AGBL1: variants seen among roughly 807,000 people sequenced by gnomAD.
The protein encoded by AGBL1 is AGBL carboxypeptidase 1.
A neutral mutation model predicts 118.9 loss-of-function variants in AGBL1; 130 were observed. The ratio of observed to expected loss-of-function variants is 1.09; its 90% CI spans 0.95 to 1.26. AGBL1 has a LOEUF of 1.26. Among genes scored for constraint, AGBL1 ranks in the 50% most tolerant of loss-of-function variants. The probability of loss-of-function intolerance (pLI) is 0.00; values close to 1 mark genes in which losing one functional copy is unlikely to be tolerated. For synonymous variants in AGBL1, 555 were observed against 478.9 expected (o/e 1.16, Z -2.08); for missense variants, 1,584 against 1,298.1 (o/e 1.22, Z -3.38).
intron 22 of AGBL1, among the ~76,000 whole-genome samples, chr15:86,866,682 C>T (rs751034970): frequency 5.3e-5 from 8 of 152,096 alleles, no homozygotes; most frequent in African/African-American, 9.7e-5. Context: ...GGTAAAACCC[C>T]GTCTCTACTA....
chr15:86,518,290 A>C (rs772733153), intron 18 of AGBL1, among the ~76,000 whole-genome samples: 4 of 151,588 alleles, frequency 2.6e-5, no homozygotes, highest in Non-Finnish European at 4.4e-5. Flanking sequence ...TTGTTTCCCA[A>C]CCTCTGGAGG....
intron 17 of AGBL1, among the ~76,000 whole-genome samples, chr15:86,315,559 CA>C (rs887804873): frequency 6.7e-6 from 1 of 150,042 alleles, no homozygotes; most frequent in Non-Finnish European, 1.5e-5. Context: ...ACTAATAATA[CA>C]AAAAAAAACT....
At chr15:86,269,270 G>T (rs1346145421) in intron 13 of AGBL1, among the ~76,000 whole-genome samples, 1 of 152,104 alleles carries the variant, frequency 6.6e-6, no homozygotes, top group East Asian at 1.9e-4. Flanking sequence ...TTTTGCTGGG[G>T]GATGTATATT....
intron 21 of AGBL1, among the ~76,000 whole-genome samples, chr15:86,602,216 T>C (rs1438393870): frequency 2.6e-5 from 4 of 152,186 alleles, no homozygotes; most frequent in Admixed American, 1.3e-4. Context: ...AGTTTTAGAT[T>C]CTTAATTCAT....
At chr15:86,725,887 G>A (rs2086810899) in intron 22 of AGBL1, among the ~76,000 whole-genome samples, 1 of 152,156 alleles carries the variant, frequency 6.6e-6, no homozygotes, top group African/African-American at 2.4e-5. Flanking sequence ...GCTATGATTG[G>A]AGGAAGAATA....
chr15:86,651,476 G>T (rs1052742952), intron 21 of AGBL1, among the ~76,000 whole-genome samples: 6 of 152,248 alleles, frequency 3.9e-5, no homozygotes, highest in Non-Finnish European at 8.8e-5. Flanking sequence ...TGTGAATTTG[G>T]AATTGTATAG....
intron 17 of AGBL1, among the ~76,000 whole-genome samples, chr15:86,365,062 TATATATATACACAC>T (rs1389681694): frequency 7.3e-6 from 1 of 136,256 alleles, no homozygotes. Flanking sequence ...TATATACACA[TATATATATACACAC>T]ACACATATAT....
At chr15:86,582,968 A>G (rs970691039) in intron 21 of AGBL1, among the ~76,000 whole-genome samples, 4 of 152,088 alleles carry the variant, frequency 2.6e-5, no homozygotes, top group Non-Finnish European at 5.9e-5. Flanking sequence ...ATAAGTAACA[A>G]ACCTGCACAT....
At chr15:86,242,107 T>C (rs569298697) in intron 6 of AGBL1, among the ~76,000 whole-genome samples, 162 of 152,276 alleles carry the variant, frequency 1.1e-3, no homozygotes, top group African/African-American at 3.8e-3. Context: ...TGTCCCTTGT[T>C]CTTCTGCCAT....
At chr15:86,766,203 A>G (rs2078094761) in intron 22 of AGBL1, among the ~76,000 whole-genome samples, 1 of 151,930 alleles carries the variant, frequency 6.6e-6, no homozygotes, top group African/African-American at 2.4e-5. Context: ...AGTGGAGCCA[A>G]GAGTCAAACC....
intron 22 of AGBL1, among the ~76,000 whole-genome samples, chr15:86,781,522 G>T (rs546887432): frequency 1.3e-5 from 2 of 152,038 alleles, no homozygotes; most frequent in Non-Finnish European, 2.9e-5. Context: ...AGGATTTTTA[G>T]GACTCTTAGA....
intron 22 of AGBL1, among the ~76,000 whole-genome samples, chr15:86,709,102 A>G (rs2086507931): frequency 6.6e-6 from 1 of 152,110 alleles, no homozygotes; most frequent in South Asian, 2.1e-4. Flanking sequence ...TAATTCTTGT[A>G]TTTATAATCC....
chr15:86,783,214 A>G (rs1481595542), intron 22 of AGBL1, among the ~76,000 whole-genome samples: 1 of 152,100 alleles, frequency 6.6e-6, no homozygotes, highest in Non-Finnish European at 1.5e-5. Context: ...TTGTTAATCC[A>G]TTTAGATGCA....
intron 24 of AGBL1, among the ~76,000 whole-genome samples, chr15:87,009,802 C>T (rs2081539992): frequency 6.6e-6 from 1 of 152,208 alleles, no homozygotes; most frequent in African/African-American, 2.4e-5. Flanking sequence ...TTGACTGCCC[C>T]ACTGGATTTT....
intron 5 of AGBL1, among the ~76,000 whole-genome samples, chr15:86,202,144 T>A (rs2077917650): frequency 6.6e-6 from 1 of 151,908 alleles, no homozygotes; most frequent in Admixed American, 6.6e-5. Context: ...AATACAAAAA[T>A]TAGCAAGGCA....
At position 86,885,581 on chromosome 15, in the gene AGBL1, T is replaced by G. The variant is rs1198171994; in HGVS notation, c.3159-21506T>G. On this transcript the variant is annotated intron_variant, in intron 22 of 22. Transcript: ENST00000614907. ...CACAGTGATTTCTCCCAATGATGTT[T>G]ATAGTACTAGCATCTATGGCCATGC... 2.0e-5 allele frequency among the ~76,000 whole-genome samples: 3 copies of G among 152,228 alleles called. No individual in the cohort carries two copies. The East Asian group carries it at 5.8e-4, about 29-fold the overall frequency.
At chr15:86,237,545 T>A (rs2078572258) in intron 6 of AGBL1, among the ~76,000 whole-genome samples, 1 of 152,184 alleles carries the variant, frequency 6.6e-6, no homozygotes, top group Admixed American at 6.5e-5. Flanking sequence ...TCTGATGAGT[T>A]GACAGTGGAC....
chr15:86,293,263 G>T (rs1487490537), intron 16 of AGBL1, among the ~76,000 whole-genome samples: 1 of 152,126 alleles, frequency 6.6e-6, no homozygotes, highest in East Asian at 1.9e-4. Context: ...AAAAAAAATT[G>T]TACAGCTTTT....
Position 86,477,762 on chromosome 15 carries a change from T to C in AGBL1, c.2556-45048T>C, listed in dbSNP as rs189926796. Among the ~76,000 whole-genome samples, 24 of 152,234 alleles carry C rather than the reference T, an allele frequency of 1.6e-4. No individual in the cohort carries two copies. In the East Asian group the frequency reaches 4.6e-3, roughly 29 times the overall value. On this transcript the variant is annotated intron_variant, in intron 18 of 22. Coordinates refer to ENST00000614907, the MANE Select transcript of AGBL1 (RefSeq NM_001386094.1). ...CCAGCATCGTTCTGAGACCAAAGCC[T>C]GGCAGAGACACAACAAAAAAAGAGA...
Sources: allele counts gnomAD v4.1 joint callset (sites outside exome capture counted in the v4.1 genomes callset), GRCh38; gene constraint gnomAD v4.1.1; transcripts MANE v1.5; gene names NCBI Gene and HGNC (gene_info 2026-07-23, HGNC 2026-07-21).